Variants in EMP2 observed in about 807,000 individuals in gnomAD.
EMP2 encodes epithelial membrane protein 2.
In EMP2, 19 loss-of-function variants were observed where a neutral mutation model predicts 13.7. The ratio of observed to expected loss-of-function variants is 1.38; its 90% CI spans 0.97 to 2.03. The LOEUF (loss-of-function observed/expected upper bound fraction) is 2.03. Ranked by LOEUF, EMP2 falls within the 30% of genes most tolerant of loss-of-function variation. EMP2 has a pLI of 0.00. For missense variants in EMP2, 253 were observed against 220.7 expected, an observed-to-expected ratio of 1.15 and a Z score of -0.93; for synonymous variants, 97 against 84.7, an observed-to-expected ratio of 1.15 and a Z score of -0.80.
At chr16:10,567,610 T>A (rs1472050522) in intron 1 of EMP2, among the ~76,000 whole-genome samples, 1 of 152,054 alleles carries the variant, frequency 6.6e-6, no homozygotes, top group Admixed American at 6.6e-5. Flanking sequence ...GAGGGTCAAG[T>A]CCAAGGTGGG....
chr16:10,562,571 T>C (rs1485210074), intron 1 of EMP2, among the ~76,000 whole-genome samples: 2 of 151,992 alleles, frequency 1.3e-5, no homozygotes, highest in African/African-American at 2.4e-5. Flanking sequence ...CCAGCTGAAA[T>C]CAGAAAAACC....
intron 1 of EMP2, chr16:10,576,375 T>C (rs1020454908): frequency 2.6e-5 from 4 of 152,276 alleles, no homozygotes; most frequent in South Asian, 2.1e-4. Context: ...TCAGAGAAGT[T>C]TGTGATCAGG....
At chr16:10,536,224 G>A (rs1196682595) in intron 4 of EMP2, among the ~76,000 whole-genome samples, 1 of 152,206 alleles carries the variant, frequency 6.6e-6, no homozygotes, top group Non-Finnish European at 1.5e-5. Context: ...GGGACTTTCA[G>A]TGTTTTTATT....
intron 1 of EMP2, among the ~76,000 whole-genome samples, chr16:10,561,576 T>A (rs2050871783): frequency 6.6e-6 from 1 of 151,762 alleles, no homozygotes; most frequent in Non-Finnish European, 1.5e-5. Context: ...GGAGGGAGAA[T>A]TAGCTCATTG....
chr16:10,562,049 G>T (rs1050647680), intron 1 of EMP2, among the ~76,000 whole-genome samples: 1 of 152,122 alleles, frequency 6.6e-6, no homozygotes, highest in Admixed American at 6.5e-5. Flanking sequence ...TGAAGAGAAG[G>T]GGACACCCCA....
At position 10,532,675 on chromosome 16, in the gene EMP2, C is replaced by G; in HGVS notation, c.*230G>C. 3.2e-6 allele frequency: 1 copy of G among 310,512 alleles called. No individual in the cohort carries two copies. The highest frequency in any genetic ancestry group is 1.5e-4 in the South Asian group (1 of 6,894). The allele number at this position is 310,512 out of a possible 1,614,324, so 19.2% of individuals were successfully genotyped here. A position where few individuals can be genotyped will look rare whatever the true frequency, so the allele number is the denominator to read the frequency against. Reference sequence around the variant, plus strand: ...TGAGACTTTTGAGTGGGCAGCAGTTCTGAATACCAGCCTTCATAGTCTATT... The same window carrying G: ...TGAGACTTTTGAGTGGGCAGCAGTTGTGAATACCAGCCTTCATAGTCTATT... On this transcript the variant is annotated 3_prime_UTR_variant, in exon 5 of 5. Transcript: ENST00000359543.
chr16:10,551,376 T>A (rs777558838), intron 1 of EMP2, among the ~76,000 whole-genome samples: 9 of 152,228 alleles, frequency 5.9e-5, no homozygotes, highest in Non-Finnish European at 1.3e-4. Flanking sequence ...ACTCAGAGTT[T>A]AAGCATTCAC....
intron 1 of EMP2, among the ~76,000 whole-genome samples, chr16:10,556,706 T>G (rs1174122526): frequency 1.3e-5 from 2 of 152,262 alleles, no homozygotes; most frequent in East Asian, 3.8e-4. Flanking sequence ...GTCAATCTTA[T>G]GATGCTGGCA....
rs373822326 is a variant in EMP2 at position 10,530,774 on chromosome 16, G to T, written c.*2131C>A. 6.6e-6 allele frequency: 1 copy of T among 152,120 alleles called. No individual in the cohort carries two copies. Among genetic ancestry groups the T allele is most frequent in the Non-Finnish European group, 1.5e-5 (1 of 68,052 alleles). 9.4% of individuals were successfully genotyped at this position (152,120 alleles called of 1,614,324 possible). The stretch of plus-strand genomic sequence containing the variant: ...TCCAGCTCTATGGGACCCTCTCACC[G>T]CATTTACTGTCGGGACCATGGGCCC... On this transcript the variant is annotated 3_prime_UTR_variant, in exon 5 of 5. Coordinates refer to ENST00000359543, the MANE Select transcript of EMP2 (RefSeq NM_001424.6).
At chr16:10,554,213 G>C (rs2050810614) in intron 1 of EMP2, among the ~76,000 whole-genome samples, 1 of 152,018 alleles carries the variant, frequency 6.6e-6, no homozygotes, top group South Asian at 2.1e-4. Flanking sequence ...TGTATTTTTA[G>C]TAAAGACAGG....
chr16:10,529,499 C>G lies in EMP2; in HGVS notation c.*3406G>C, dbSNP rs1046483503. ...GCAGTGGCAACCAGCCGGGAAAATC[C>G]ATAGGATCATTTCAGACCGCATTCA... On this transcript the variant is annotated 3_prime_UTR_variant, in exon 5 of 5. Coordinates refer to ENST00000359543, the MANE Select transcript of EMP2 (RefSeq NM_001424.6). The G allele has an allele frequency of 1.3e-5, 2 of 152,188 alleles. No homozygotes were observed. Among genetic ancestry groups the G allele is most frequent in the Non-Finnish European group, 1.5e-5 (1 of 68,048 alleles). The allele number at this position is 152,188 out of a possible 1,614,324, so 9.4% of individuals were successfully genotyped here.
At chr16:10,571,170 T>A (rs1242383420) in intron 1 of EMP2, among the ~76,000 whole-genome samples, 1 of 140,354 alleles carries the variant, frequency 7.1e-6, no homozygotes, top group African/African-American at 2.7e-5. Flanking sequence ...GGCAGGAGAA[T>A]CGCTTGAACC....
chr16:10,552,584 T>C (rs2050796537), intron 1 of EMP2, among the ~76,000 whole-genome samples: 1 of 152,238 alleles, frequency 6.6e-6, no homozygotes, highest in South Asian at 2.1e-4. Context: ...AAAATGTATT[T>C]GTAGCTAGAA....
intron 1 of EMP2, among the ~76,000 whole-genome samples, chr16:10,552,227 C>T (rs987581791): frequency 4.6e-5 from 7 of 151,902 alleles, no homozygotes; most frequent in African/African-American, 1.7e-4. Flanking sequence ...TGCCCAAATG[C>T]CAACTTCACC....
rs1463161242 is a variant in EMP2 at position 10,543,662 on chromosome 16, T to C, written c.79-2A>G. 1 of 1,614,004 alleles carries C rather than the reference T, an allele frequency of 6.2e-7. No homozygotes were observed. The highest frequency in any genetic ancestry group is 8.5e-7 in the Non-Finnish European group (1 of 1,179,960). ...AAACTCATCTCCTACCCACCAGGCC[T>C]GTAACACAAAATGGAAATAGAGAGA... On this transcript the variant is annotated splice_acceptor_variant, in intron 2 of 4. Transcript: ENST00000359543. LOFTEE classifies it high-confidence loss of function.
chr16:10,543,381 T>C (rs1276861984), intron 3 of EMP2, among the ~76,000 whole-genome samples, 189 bp downstream of exon 3: 3 of 152,256 alleles, frequency 2.0e-5, no homozygotes, highest in Admixed American at 6.5e-5. Flanking sequence ...CTCCGGCTTC[T>C]CCACACCCCT....
chr16:10,556,358 G>T (rs1251092273), intron 1 of EMP2, among the ~76,000 whole-genome samples: 1 of 152,148 alleles, frequency 6.6e-6, no homozygotes, highest in African/African-American at 2.4e-5. Flanking sequence ...TTACAAGCCT[G>T]CGGTTGGCCT....
chr16:10,556,992 CCT>C (rs1354448387), intron 1 of EMP2, among the ~76,000 whole-genome samples: 1 of 152,190 alleles, frequency 6.6e-6, no homozygotes, highest in Admixed American at 6.5e-5. Context: ...GTGAAGGCAA[CCT>C]CTCTCTGCAC....
chr16:10,561,349 A>G (rs1240982986), intron 1 of EMP2, among the ~76,000 whole-genome samples: 6 of 152,216 alleles, frequency 3.9e-5, no homozygotes, highest in Non-Finnish European at 8.8e-5. Flanking sequence ...AACGGGCTAG[A>G]ACCAGGAATC....
Sources: allele counts gnomAD v4.1 joint callset (sites outside exome capture counted in the v4.1 genomes callset), GRCh38; gene constraint gnomAD v4.1.1; transcripts MANE v1.5; gene names NCBI Gene and HGNC (gene_info 2026-07-23, HGNC 2026-07-21).